The following BICD1 variants were observed in gnomAD, a reference collection of about 807,000 sequenced individuals.
The protein encoded by BICD1 is BICD cargo adaptor 1, also known as protein bicaudal D homolog 1.
BICD1 carries 35 observed loss-of-function variants against 92.5 expected under a neutral mutation model. The observed-to-expected ratio is 0.38, with a 90% CI of 0.29 to 0.50. BICD1 has a LOEUF of 0.50. Among genes scored for constraint, BICD1 ranks in the 20% least tolerant of loss-of-function variants. BICD1 has a pLI of 0.93. For missense variants in BICD1, 950 were observed against 1,189.8 expected (o/e 0.80, Z 2.97); for synonymous variants, 429 against 465.1 (o/e 0.92, Z 1.00).
intron 1 of BICD1, among the ~76,000 whole-genome samples, chr12:32,151,808 C>T (rs1224567821): frequency 6.6e-6 from 1 of 152,174 alleles, no homozygotes; most frequent in African/African-American, 2.4e-5. Flanking sequence ...CTACCTCTGC[C>T]TGCACATCTG....
intron 8 of BICD1, among the ~76,000 whole-genome samples, chr12:32,342,136 A>ATGTGTGTATATATG (rs1938392364): frequency 7.2e-6 from 1 of 139,774 alleles, no homozygotes; most frequent in African/African-American, 2.5e-5. Flanking sequence ...GTATATATAT[A>ATGTGTGTATATATG]TGTGTGTATA....
intron 4 of BICD1, among the ~76,000 whole-genome samples, chr12:32,321,217 T>G (rs144089807): frequency 0.01 from 1,543 of 152,112 alleles, 12 homozygotes; most frequent in South Asian, 0.021. Flanking sequence ...GCCCAACTAC[T>G]CGGGAGGCTG....
intron 1 of BICD1, among the ~76,000 whole-genome samples, chr12:32,176,759 A>G (rs947617156): frequency 1.3e-5 from 2 of 151,918 alleles, no homozygotes; most frequent in Non-Finnish European, 2.9e-5. Context: ...GTTCCTTTTT[A>G]TTGCTGAGAG....
At chr12:32,278,646 G>T (rs1947335646) in intron 2 of BICD1, among the ~76,000 whole-genome samples, 1 of 152,146 alleles carries the variant, frequency 6.6e-6, no homozygotes, top group African/African-American at 2.4e-5. Flanking sequence ...GAGGTCAGGA[G>T]ATCGAGACCA....
At chr12:32,240,342 A>G (rs556303720) in intron 2 of BICD1, among the ~76,000 whole-genome samples, 1 of 152,052 alleles carries the variant, frequency 6.6e-6, no homozygotes, top group South Asian at 2.1e-4. Flanking sequence ...GTCAAGGTGT[A>G]GGGCCATACC....
Position 32,107,473 on chromosome 12 carries a change from C to G in BICD1, c.142C>G (p.Leu48Val), listed in dbSNP as rs1046103078. The G allele has an allele frequency of 1.2e-6, 2 of 1,610,334 alleles. No individual in the cohort carries two copies. Among genetic ancestry groups the G allele is most frequent in the Non-Finnish European group, 1.7e-6 (2 of 1,178,632 alleles). ...GGTGGTGCTGGAGGAGAAGCTGACCCTCAAACAGCAGTATGATGAACTGGA... is the reference window on the plus strand; with the variant it reads ...GGTGGTGCTGGAGGAGAAGCTGACCGTCAAACAGCAGTATGATGAACTGGA... The part of the protein sequence containing the change: ...GLVVLEEKLT[L>V]KQQYDELEAE... Residue 48 changes from leucine to valine, a missense_variant, in exon 1 of 10, where the codon CTC becomes GTC. Physicochemically the swap from Leu to Val is conservative, Grantham distance 32. Around this residue, in one of 5 missense-constraint regions of BICD1, gnomAD observed 202 missense variants for 205.3 expected, o/e 0.98. Transcript: ENST00000652176.
intron 1 of BICD1, among the ~76,000 whole-genome samples, chr12:32,121,734 TCAAA>T (rs553953485): frequency 4.5e-4 from 68 of 151,992 alleles, no homozygotes; most frequent in Admixed American, 8.5e-4. Flanking sequence ...AGACTCTATC[TCAAA>T]CAAACAAACA....
intron 2 of BICD1, among the ~76,000 whole-genome samples, chr12:32,290,053 A>G (rs1947686324): frequency 6.6e-6 from 1 of 152,212 alleles, no homozygotes; most frequent in Non-Finnish European, 1.5e-5. Flanking sequence ...AGTGTTGATG[A>G]AATGACTCTG....
chr12:32,228,679 A>G (rs987574809), intron 2 of BICD1, among the ~76,000 whole-genome samples: 16 of 152,164 alleles, frequency 1.1e-4, no homozygotes, highest in South Asian at 4.1e-4. Context: ...AGTAGCCCCA[A>G]TGGGATTTTC....
chr12:32,363,314 G>A (rs1255285435), intron 8 of BICD1, among the ~76,000 whole-genome samples: 1 of 152,136 alleles, frequency 6.6e-6, no homozygotes, highest in Non-Finnish European at 1.5e-5. Context: ...ATCTACTCAG[G>A]AGATTGAGGC....
At chr12:32,157,449 A>C (rs1943474559) in intron 1 of BICD1, among the ~76,000 whole-genome samples, 1 of 152,226 alleles carries the variant, frequency 6.6e-6, no homozygotes, top group African/African-American at 2.4e-5. Context: ...TTGTATTAAC[A>C]AATTTTCAGA....
intron 2 of BICD1, among the ~76,000 whole-genome samples, chr12:32,279,269 TTTCTAGGTGA>T (rs1026439529): frequency 3.9e-5 from 6 of 152,206 alleles, no homozygotes; most frequent in Non-Finnish European, 5.9e-5. Context: ...CAGAATTTAT[TTTCTAGGTGA>T]TAGAAATGTT....
intron 9 of BICD1, among the ~76,000 whole-genome samples, chr12:32,372,432 A>G (rs1054447947): frequency 1.3e-5 from 2 of 152,170 alleles, no homozygotes; most frequent in East Asian, 3.9e-4. Flanking sequence ...GTGAACCAAG[A>G]TCACGCTTGG....
At chr12:32,242,332 C>T (rs923832971) in intron 2 of BICD1, among the ~76,000 whole-genome samples, 2 of 151,230 alleles carry the variant, frequency 1.3e-5, no homozygotes, top group Non-Finnish European at 2.9e-5. Context: ...TCGAGACCAG[C>T]CTGGTCAACA....
At chr12:32,225,812 A>G (rs907570749) in intron 2 of BICD1, among the ~76,000 whole-genome samples, 34 of 151,534 alleles carry the variant, frequency 2.2e-4, no homozygotes, top group African/African-American at 7.7e-4. Context: ...AGTAGAGACG[A>G]GGTTTCGCCA....
At chr12:32,113,202 C>A (rs530471505) in intron 1 of BICD1, among the ~76,000 whole-genome samples, 113 of 151,884 alleles carry the variant, frequency 7.4e-4, no homozygotes, top group Non-Finnish European at 1.1e-3. Flanking sequence ...GGAGGGGGCA[C>A]GTCTAAGAGC....
intron 1 of BICD1, among the ~76,000 whole-genome samples, chr12:32,213,805 A>G (rs1367022507): frequency 6.6e-6 from 1 of 152,212 alleles, no homozygotes; most frequent in Non-Finnish European, 1.5e-5. Flanking sequence ...TCTCCACTGC[A>G]AAGTTACTGT....
chr12:32,315,497 G>A (rs1201649555), intron 4 of BICD1, among the ~76,000 whole-genome samples: 1 of 150,994 alleles, frequency 6.6e-6, no homozygotes, highest in Non-Finnish European at 1.5e-5. Flanking sequence ...GTCAATTTCT[G>A]CAAAGAATCC....
intron 1 of BICD1, among the ~76,000 whole-genome samples, chr12:32,185,191 A>G (rs1327489953): frequency 6.6e-6 from 1 of 152,244 alleles, no homozygotes; most frequent in Non-Finnish European, 1.5e-5. Flanking sequence ...GAAAGGTTGT[A>G]CCTAATTTAA....
Sources: allele counts gnomAD v4.1 joint callset (sites outside exome capture counted in the v4.1 genomes callset), GRCh38; gene constraint gnomAD v4.1.1; regional missense constraint gnomAD v4.1.1; transcripts MANE v1.5; gene names NCBI Gene and HGNC (gene_info 2026-07-23, HGNC 2026-07-21).